DMRT1: variants seen among roughly 807,000 people sequenced by gnomAD.
DMRT1 encodes the protein doublesex and mab-3 related transcription factor 1.
In DMRT1, 7 loss-of-function variants were observed where a neutral mutation model predicts 32.3. That is an observed-to-expected ratio of 0.22 (90% CI 0.12 to 0.41). The LOEUF (loss-of-function observed/expected upper bound fraction) is 0.41, where lower values mean the gene tolerates loss of function less well. DMRT1 is among the 10% of genes least tolerant of loss of function. DMRT1 has a pLI of 1.00. For missense variants in DMRT1, 625 were observed against 500.5 expected, an observed-to-expected ratio of 1.25 and a Z score of -2.37; for synonymous variants, 278 against 206.1, an observed-to-expected ratio of 1.35 and a Z score of -2.99.
chr9:842,554 T>C (rs1838733546), intron 1 of DMRT1, among the ~76,000 whole-genome samples: 1 of 152,022 alleles, frequency 6.6e-6, no homozygotes, highest in African/African-American at 2.4e-5. Context: ...GTTTCTTGAA[T>C]GAAGTCCCCC....
chr9:879,099 C>G (rs1816627757), intron 2 of DMRT1, among the ~76,000 whole-genome samples: 1 of 152,126 alleles, frequency 6.6e-6, no homozygotes, highest in Non-Finnish European at 1.5e-5. Flanking sequence ...CCCTGAGAGC[C>G]AGCTCAGAAT....
At chr9:874,298 A>G (rs1816400807) in intron 2 of DMRT1, among the ~76,000 whole-genome samples, 2 of 152,222 alleles carry the variant, frequency 1.3e-5, no homozygotes, top group African/African-American at 4.8e-5. Context: ...GGATCATTTG[A>G]ATAGTTCTCA....
At chr9:885,127 T>C (rs145879440) in intron 2 of DMRT1, among the ~76,000 whole-genome samples, 616 of 152,242 alleles carry the variant, frequency 4.0e-3, no homozygotes, top group Non-Finnish European at 7.6e-3. Context: ...TAGGGGAGCA[T>C]ACAGATGGGC....
chr9:915,563 A>C (rs1818147454), intron 3 of DMRT1, among the ~76,000 whole-genome samples: 1 of 152,092 alleles, frequency 6.6e-6, no homozygotes, highest in African/African-American at 2.4e-5. Flanking sequence ...CCATGTGTCC[A>C]GTTAGCAGAA....
Position 965,575 on chromosome 9 carries a change from G to A in DMRT1, c.968-2410G>A, listed in dbSNP as rs576624118. ...CTCCTCCCCTTTTCAGTCCCAAGTTGGCTAAATGAGGAGAGGGCATCTCCC... is the reference window on the plus strand; with the variant it reads ...CTCCTCCCCTTTTCAGTCCCAAGTTAGCTAAATGAGGAGAGGGCATCTCCC... On this transcript the variant is annotated intron_variant, in intron 4 of 4. Transcript: ENST00000382276. This position sits in a 1 kb window ranked among gnomAD's most constrained non-coding sequence, Gnocchi z 4.5. Among the ~76,000 whole-genome samples the A allele has an allele frequency of 2.6e-5, 4 of 152,304 alleles. No homozygotes were observed. The South Asian group carries it at 8.3e-4, about 32-fold the overall frequency.
intron 2 of DMRT1, among the ~76,000 whole-genome samples, chr9:859,898 T>A (rs1815578234): frequency 6.6e-6 from 1 of 152,374 alleles, no homozygotes; most frequent in Admixed American, 6.5e-5. Flanking sequence ...AGCCATCCAT[T>A]GCCATTCAGC....
In DMRT1 at chr9:965,351, A is replaced by G. The variant is rs1248359519; in HGVS notation, c.968-2634A>G. Among the ~76,000 whole-genome samples the G allele has an allele frequency of 6.6e-6, 1 of 152,216 alleles. No individual in the cohort carries two copies. Among genetic ancestry groups the G allele is most frequent in the Non-Finnish European group, 1.5e-5 (1 of 68,036 alleles). On this transcript the variant is annotated intron_variant, in intron 4 of 4. Coordinates refer to ENST00000382276, the MANE Select transcript of DMRT1 (RefSeq NM_021951.3). The surrounding 1 kb of genome is among the most constrained non-coding windows in gnomAD (Gnocchi z 4.5). Reference sequence around the variant, plus strand: ...CTATAAACAATACGGCTGTTTTTCAAAACAGGGTGAGTTTTACATTTTCTC... The same window carrying G: ...CTATAAACAATACGGCTGTTTTTCAGAACAGGGTGAGTTTTACATTTTCTC...
chr9:907,185 G>T (rs1470492405), intron 3 of DMRT1, among the ~76,000 whole-genome samples: 1 of 152,150 alleles, frequency 6.6e-6, no homozygotes, highest in Non-Finnish European at 1.5e-5. Context: ...AGTGGAGCGT[G>T]CTGATCATTA....
Position 928,297 on chromosome 9 carries a change from T to G in DMRT1, c.967+11390T>G, listed in dbSNP as rs145049014. Among the ~76,000 whole-genome samples the G allele has an allele frequency of 1.3e-3, 194 of 152,280 alleles. 1 individual carries two copies. Among genetic ancestry groups the G allele is most frequent in the African/African-American group, 4.6e-3 (191 of 41,552 alleles). ...CTGCTTAACACACATATTTTAAAAT[T>G]CTCTGTTAAGTATAGCAGGATTGTT... On this transcript the variant is annotated intron_variant, in intron 4 of 4. Coordinates refer to ENST00000382276, the MANE Select transcript of DMRT1 (RefSeq NM_021951.3).
chr9:927,534 GA>G (rs1441110952), intron 4 of DMRT1, among the ~76,000 whole-genome samples: 1 of 152,166 alleles, frequency 6.6e-6, no homozygotes, highest in African/African-American at 2.4e-5. Context: ...TGTCCAAATT[GA>G]GTTATGTCAG....
intron 2 of DMRT1, among the ~76,000 whole-genome samples, chr9:862,180 A>G (rs1378452325): frequency 6.6e-6 from 1 of 150,924 alleles, no homozygotes; most frequent in Non-Finnish European, 1.5e-5. Context: ...TAGCGAGCCG[A>G]GATCACGCCA....
chr9:896,699 G>C (rs1390888222), intron 3 of DMRT1, among the ~76,000 whole-genome samples: 3 of 151,948 alleles, frequency 2.0e-5, no homozygotes, highest in African/African-American at 7.2e-5. Context: ...TGTAATTCCA[G>C]CTACTCAGAA....
At chr9:880,263 A>G (rs2132627692) in intron 2 of DMRT1, among the ~76,000 whole-genome samples, 1 of 152,270 alleles carries the variant, frequency 6.6e-6, no homozygotes, top group African/African-American at 2.4e-5. Flanking sequence ...AGTCCTTCCC[A>G]TTGAGTCACA....
intron 4 of DMRT1, 126 bp downstream of exon 4, chr9:917,033 C>T: frequency 1.9e-6 from 2 of 1,028,576 alleles, no homozygotes; most frequent in Non-Finnish European, 1.5e-6. Flanking sequence ...CTGTGTGAAG[C>T]TTGGATAAGT....
intron 4 of DMRT1, among the ~76,000 whole-genome samples, chr9:931,868 G>T (rs1446044976): frequency 6.6e-6 from 1 of 152,190 alleles, no homozygotes; most frequent in Non-Finnish European, 1.5e-5. Flanking sequence ...CTACTGAAGG[G>T]TTTTATGTCT....
chr9:862,155 G>A (rs1815736331), intron 2 of DMRT1, among the ~76,000 whole-genome samples: 1 of 150,592 alleles, frequency 6.6e-6, no homozygotes, highest in Non-Finnish European at 1.5e-5. Flanking sequence ...GCAGGCGGCT[G>A]GGAGGTGGAG....
intron 3 of DMRT1, among the ~76,000 whole-genome samples, chr9:906,523 CAT>C (rs1817783601): frequency 1.3e-5 from 2 of 152,258 alleles, no homozygotes; most frequent in South Asian, 2.1e-4. Context: ...GTGATGGTGA[CAT>C]ATTGTTTCTG....
chr9:898,131 T>G (rs1185400399), intron 3 of DMRT1, among the ~76,000 whole-genome samples: 2 of 152,158 alleles, frequency 1.3e-5, no homozygotes, highest in East Asian at 3.9e-4. Context: ...GTTGTTTTTC[T>G]TTTTTTGAGA....
intron 2 of DMRT1, among the ~76,000 whole-genome samples, chr9:859,897 T>C (rs1815578144): frequency 6.6e-6 from 1 of 152,246 alleles, no homozygotes; most frequent in Non-Finnish European, 1.5e-5. Context: ...CAGCCATCCA[T>C]TGCCATTCAG....
Sources: gnomAD v4.1 joint callset for allele counts (sites outside exome capture counted in the v4.1 genomes callset) on GRCh38, gnomAD v4.1.1 for gene constraint, Gnocchi (gnomAD v3.1) non-coding constraint, MANE v1.5 for transcripts, NCBI Gene and HGNC (gene_info 2026-07-23, HGNC 2026-07-21) for gene names.